THEMIS: variants seen among roughly 807,000 people sequenced by gnomAD.
THEMIS encodes thymocyte selection associated, also known as protein THEMIS.
A neutral mutation model predicts 52.6 loss-of-function variants in THEMIS; 37 were observed. The ratio of observed to expected loss-of-function variants is 0.70; its 90% CI spans 0.54 to 0.93. The LOEUF (loss-of-function observed/expected upper bound fraction) is 0.93, where lower values mean the gene tolerates loss of function less well. THEMIS is among the 40% of genes least tolerant of loss of function. The pLI is 0.00. For missense variants in THEMIS, 808 were observed against 763.1 expected (o/e 1.06, Z -0.69); for synonymous variants, 292 against 272.7 (o/e 1.07, Z -0.70).
At chr6:127,820,792 CT>C (rs1240279104) in intron 3 of THEMIS, among the ~76,000 whole-genome samples, 1 of 151,652 alleles carries the variant, frequency 6.6e-6, no homozygotes. Flanking sequence ...AAAATGAAAG[CT>C]TTTTTTATAC....
intron 4 of THEMIS, among the ~76,000 whole-genome samples, chr6:127,746,892 T>A (rs1184699132): frequency 6.4e-5 from 4 of 62,428 alleles, no homozygotes; most frequent in Non-Finnish European, 7.8e-5. Context: ...TTATATATTA[T>A]TATATAATTA....
intron 2 of THEMIS, among the ~76,000 whole-genome samples, chr6:127,852,935 T>C (rs1478513524): frequency 6.6e-6 from 1 of 151,632 alleles, no homozygotes; most frequent in African/African-American, 2.4e-5. Flanking sequence ...AAGATTATCA[T>C]GCTAATTGGA....
chr6:127,785,818 G>A (rs1776929921), intron 4 of THEMIS, among the ~76,000 whole-genome samples: 1 of 151,576 alleles, frequency 6.6e-6, no homozygotes, highest in Non-Finnish European at 1.5e-5. Flanking sequence ...TAGAAAAGAG[G>A]GCAAAAGACT....
At chr6:127,771,967 T>C (rs1360668512) in intron 4 of THEMIS, among the ~76,000 whole-genome samples, 3 of 152,284 alleles carry the variant, frequency 2.0e-5, no homozygotes, top group East Asian at 3.9e-4. Context: ...TTTTAAAAAA[T>C]GGAAGACTGT....
chr6:127,785,722 C>CA (rs1314320685), intron 4 of THEMIS, among the ~76,000 whole-genome samples: 5 of 151,256 alleles, frequency 3.3e-5, no homozygotes, highest in East Asian at 1.9e-4. Context: ...AAATATAGAC[C>CA]AAAAAAACCT....
intron 4 of THEMIS, among the ~76,000 whole-genome samples, chr6:127,720,946 T>G (rs1041192693): frequency 6.6e-6 from 1 of 152,068 alleles, no homozygotes; most frequent in South Asian, 2.1e-4. Flanking sequence ...TCTGTATCCA[T>G]GTCCTTTCTA....
At chr6:127,867,942 AC>A in intron 1 of THEMIS, among the ~76,000 whole-genome samples, 1 of 152,178 alleles carries the variant, frequency 6.6e-6, no homozygotes, top group East Asian at 1.9e-4. Flanking sequence ...ACACACACAC[AC>A]AATTTTCTTT....
At chr6:127,892,492 C>T (rs752660211) in intron 1 of THEMIS, among the ~76,000 whole-genome samples, 24 of 152,180 alleles carry the variant, frequency 1.6e-4, no homozygotes, top group Non-Finnish European at 3.1e-4. Flanking sequence ...ATATAAGCTC[C>T]GAGAGGGGAG....
chr6:127,707,359 T>G (rs1347064441), downstream of THEMIS, among the ~76,000 whole-genome samples: 1 of 152,124 alleles, frequency 6.6e-6, no homozygotes, highest in African/African-American at 2.4e-5. Flanking sequence ...CTAGATCATT[T>G]TAGGAATTTT....
chr6:127,761,345 G>C (rs776212923), intron 4 of THEMIS, among the ~76,000 whole-genome samples: 1 of 152,214 alleles, frequency 6.6e-6, no homozygotes, highest in East Asian at 1.9e-4. Flanking sequence ...TCTCACTCAA[G>C]CTATAGCTGA....
In THEMIS at chr6:127,881,798, T is replaced by A. The variant is rs535659654; in HGVS notation, c.91+19044A>T. On this transcript the variant is annotated intron_variant, in intron 1 of 5. Coordinates refer to ENST00000368248, the MANE Select transcript of THEMIS (RefSeq NM_001010923.3). ...AGCTAAATTTTAGGGAGAAATGTGT[T>A]CCATTCAAGCACATATACAAAAATG... Among the ~76,000 whole-genome samples the A allele has an allele frequency of 3.9e-5, 6 of 152,020 alleles. No individual in the cohort carries two copies. In the South Asian group the frequency reaches 1.2e-3, roughly 32 times the overall value.
chr6:127,791,917 G>C (rs553852995), intron 4 of THEMIS, among the ~76,000 whole-genome samples: 2 of 152,334 alleles, frequency 1.3e-5, no homozygotes, highest in African/African-American at 4.8e-5. Flanking sequence ...ATGGGCAGAG[G>C]TCAGGCAGCG....
chr6:127,736,875 T>C, intron 4 of THEMIS, among the ~76,000 whole-genome samples: 1 of 122,190 alleles, frequency 8.2e-6, no homozygotes, highest in East Asian at 2.2e-4. Flanking sequence ...AAAGAAAAAA[T>C]ATTTGTCTGC....
intron 5 of THEMIS, among the ~76,000 whole-genome samples, chr6:127,719,247 T>C (rs1774278820): frequency 6.6e-6 from 1 of 151,896 alleles, no homozygotes; most frequent in Non-Finnish European, 1.5e-5. Context: ...AGATGAAAAA[T>C]ATCAGATCAC....
chr6:127,747,978 A>G (rs929763202), intron 4 of THEMIS, among the ~76,000 whole-genome samples: 1 of 152,158 alleles, frequency 6.6e-6, no homozygotes, highest in African/African-American at 2.4e-5. Context: ...GGAAACCATA[A>G]CAACTGTTGA....
chr6:127,707,824 T>TAAGA (rs1482893765), downstream of THEMIS, among the ~76,000 whole-genome samples: 5 of 152,140 alleles, frequency 3.3e-5, no homozygotes, highest in African/African-American at 1.2e-4. Flanking sequence ...ATCCTGGATG[T>TAAGA]AAGAGTTGAG....
chr6:127,813,042 T>C lies in THEMIS; in HGVS notation c.1599A>G (p.Glu533=), dbSNP rs370955905. The change falls in exon 4 of 6, where the codon GAA becomes GAG. Residue 533 remains glutamate (E), a synonymous_variant. Coordinates refer to ENST00000368248, the MANE Select transcript of THEMIS (RefSeq NM_001010923.3). ...AEPFLVRTLV[E]EITEEQYYMM... ...TGTAATATTGCTCTTCAGTGATCTCTTCTACCAGAGTCCTGACTAGAAATG... is the reference window on the plus strand; with the variant it reads ...TGTAATATTGCTCTTCAGTGATCTCCTCTACCAGAGTCCTGACTAGAAATG... 49 of 1,614,042 alleles carry C rather than the reference T, an allele frequency of 3.0e-5. No homozygotes were observed. The highest frequency in any genetic ancestry group is 5.0e-5 in the Admixed American group (3 of 59,980).
upstream of THEMIS, among the ~76,000 whole-genome samples, chr6:127,903,938 A>G (rs1781208152): frequency 6.6e-6 from 1 of 152,088 alleles, no homozygotes; most frequent in Non-Finnish European, 1.5e-5. Flanking sequence ...GAGAGCTGTC[A>G]GGGTGCAGAA....
At chr6:127,700,954 AC>A in the THEMIS span, among the ~76,000 whole-genome samples, 99 of 152,050 alleles carry the variant, frequency 6.5e-4, no homozygotes, top group African/African-American at 2.3e-3. Context: ...CTCAAACTTT[AC>A]CCCAGGGTAC....
Sources: allele counts gnomAD v4.1 joint callset (sites outside exome capture counted in the v4.1 genomes callset), GRCh38; gene constraint gnomAD v4.1.1; transcripts MANE v1.5; gene names NCBI Gene and HGNC (gene_info 2026-07-23, HGNC 2026-07-21).